ARID4B: variants seen among roughly 807,000 people sequenced by gnomAD.
The protein encoded by ARID4B is AT-rich interactive domain-containing protein 4B.
ARID4B carries 26 observed loss-of-function variants against 147.5 expected under a neutral mutation model. The observed-to-expected ratio is 0.18, with a 90% CI of 0.13 to 0.24. The LOEUF (loss-of-function observed/expected upper bound fraction) is 0.24. Ranked by LOEUF, ARID4B falls within the 10% of genes least tolerant of loss-of-function variation. The pLI, the probability that ARID4B is intolerant of heterozygous loss-of-function variation, is 1.00. For missense variants in ARID4B, 1,179 were observed against 1,511.5 expected, an observed-to-expected ratio of 0.78 and a Z score of 3.65; for synonymous variants, 512 against 507.9, an observed-to-expected ratio of 1.01 and a Z score of -0.11.
intron 17 of ARID4B, among the ~76,000 whole-genome samples, chr1:235,209,680 C>T (rs1261537185): frequency 4.6e-5 from 7 of 150,952 alleles, no homozygotes; most frequent in African/African-American, 1.7e-4. Context: ...TCTCATGCCT[C>T]AGCCTCCCAA....
rs544057067 is a variant in ARID4B at position 235,234,555 on chromosome 1, C to T, written c.586-63G>A. 6.2e-6 allele frequency: 7 copies of T among 1,128,006 alleles called. No individual in the cohort carries two copies. In the African/African-American group the frequency reaches 1.1e-4, roughly 18 times the overall value. 69.9% of individuals were successfully genotyped at this position (1,128,006 alleles called of 1,614,324 possible). On this transcript the variant is annotated intron_variant, in intron 8 of 23. Transcript: ENST00000264183. ...AACTCATAGATAGGTAAGTACCCAC[C>T]ATTTAAATCCTTTTAAAAAGTGTAA...
At chr1:235,314,336 T>G (rs1297334745) in intron 2 of ARID4B, among the ~76,000 whole-genome samples, 1 of 152,232 alleles carries the variant, frequency 6.6e-6, no homozygotes, top group Non-Finnish European at 1.5e-5. Context: ...ATTTTAAATA[T>G]GGTATTTCAT....
chr1:235,322,078 G>A (rs1674879796), intron 2 of ARID4B, among the ~76,000 whole-genome samples: 1 of 151,780 alleles, frequency 6.6e-6, no homozygotes, highest in Admixed American at 6.6e-5. Flanking sequence ...ACCCAGGCTG[G>A]AGTGCAATGG....
chr1:235,174,990 C>A (rs1478070472), intron 22 of ARID4B, among the ~76,000 whole-genome samples, 194 bp downstream of exon 22: 1 of 152,152 alleles, frequency 6.6e-6, no homozygotes, highest in Non-Finnish European at 1.5e-5. Flanking sequence ...CCTGTAATCC[C>A]AGCTACTTGG....
At chr1:235,183,287 C>T (rs113148827) in intron 19 of ARID4B, among the ~76,000 whole-genome samples, 20,136 of 151,598 alleles carry the variant, frequency 0.13, 1,569 homozygotes, top group African/African-American at 0.2. Context: ...CGGCTCACAG[C>T]AAGCTCTGCC....
chr1:235,172,538 A>T, intron 23 of ARID4B, 80 bp downstream of exon 23: 1 of 1,033,582 alleles, frequency 9.7e-7, no homozygotes, highest in Non-Finnish European at 1.3e-6. Context: ...AGATTGCGCC[A>T]TTGCACTCCA....
At chr1:235,246,532 C>A in intron 6 of ARID4B, 21 bp from the exon 7 acceptor site, 1 of 1,569,990 alleles carries the variant, frequency 6.4e-7, no homozygotes, top group Non-Finnish European at 8.7e-7. Context: ...GAACATAAAC[C>A]CATCAAAAAA....
intron 2 of ARID4B, among the ~76,000 whole-genome samples, chr1:235,261,515 C>T (rs72756085): frequency 0.13 from 19,943 of 151,918 alleles, 1,506 homozygotes; most frequent in African/African-American, 0.2. Context: ...CAGAGTAAGA[C>T]CCTGTCTCAA....
chr1:235,271,913 C>A (rs914128000), intron 2 of ARID4B, among the ~76,000 whole-genome samples: 1 of 151,868 alleles, frequency 6.6e-6, no homozygotes, highest in East Asian at 1.9e-4. Flanking sequence ...CACGCCACTG[C>A]ACTCCAACCT....
intron 17 of ARID4B, among the ~76,000 whole-genome samples, chr1:235,202,573 G>A (rs1244910666): frequency 1.3e-5 from 2 of 149,330 alleles, no homozygotes; most frequent in South Asian, 2.1e-4. Flanking sequence ...TTTTTGAGAC[G>A]GAGTCTTGCT....
At chr1:235,208,954 CAA>C (rs141638296) in intron 17 of ARID4B, among the ~76,000 whole-genome samples, 8,906 of 152,160 alleles carry the variant, frequency 0.059, 843 homozygotes, top group African/African-American at 0.19. Flanking sequence ...TAGTGCTAGA[CAA>C]TAGTTTTAGA....
chr1:235,305,727 G>C (rs1673493654), intron 2 of ARID4B, among the ~76,000 whole-genome samples: 1 of 152,182 alleles, frequency 6.6e-6, no homozygotes, highest in African/African-American at 2.4e-5. Context: ...AGGAGGCAGA[G>C]GCAGGGGGAT....
At chr1:235,289,560 T>C (rs936531341) in intron 2 of ARID4B, among the ~76,000 whole-genome samples, 64 of 151,844 alleles carry the variant, frequency 4.2e-4, no homozygotes, top group African/African-American at 1.5e-3. Flanking sequence ...CTTATCTCTA[T>C]TAAAAAATTT....
At chr1:235,174,274 C>T (rs190358196) in intron 22 of ARID4B, among the ~76,000 whole-genome samples, 68 of 151,912 alleles carry the variant, frequency 4.5e-4, no homozygotes, top group African/African-American at 1.5e-3. Context: ...CTCCTGACCT[C>T]GTGATCCACC....
intron 8 of ARID4B, among the ~76,000 whole-genome samples, chr1:235,236,444 A>C (rs1668559838): frequency 1.3e-5 from 2 of 152,012 alleles, no homozygotes; most frequent in South Asian, 4.2e-4. Flanking sequence ...CAAAACACTA[A>C]TATTAAAAAA....
chr1:235,240,650 C>CA (rs1668924005), intron 7 of ARID4B, among the ~76,000 whole-genome samples, 199 bp from the exon 8 acceptor site: 1 of 151,940 alleles, frequency 6.6e-6, no homozygotes, highest in Non-Finnish European at 1.5e-5. Context: ...ATCATTTTCC[C>CA]AAAAATATTT....
chr1:235,274,850 T>G (rs975398262), intron 2 of ARID4B, among the ~76,000 whole-genome samples: 3 of 152,206 alleles, frequency 2.0e-5, no homozygotes, highest in Non-Finnish European at 4.4e-5. Context: ...AAATAATACC[T>G]TCTGCCTTAA....
At chr1:235,256,235 A>T (rs920481864) in intron 4 of ARID4B, among the ~76,000 whole-genome samples, 1 of 151,986 alleles carries the variant, frequency 6.6e-6, no homozygotes, top group Non-Finnish European at 1.5e-5. Flanking sequence ...CATCAGTGAA[A>T]ATGTTAATGT....
intron 9 of ARID4B, 36 bp from the exon 10 acceptor site, chr1:235,231,225 A>T (rs1189438387): frequency 8.5e-7 from 1 of 1,179,474 alleles, no homozygotes; most frequent in Admixed American, 2.5e-5. Flanking sequence ...GAAGAAAAAA[A>T]ACCCAAAATA....
Sources: allele counts gnomAD v4.1 joint callset (sites outside exome capture counted in the v4.1 genomes callset), GRCh38; gene constraint gnomAD v4.1.1; transcripts MANE v1.5; gene names NCBI Gene and HGNC (gene_info 2026-07-23, HGNC 2026-07-21).